Variants in SORBS2 observed in about 807,000 individuals in gnomAD.
SORBS2 encodes sorbin and SH3 domain containing 2, also known as sorbin and SH3 domain-containing protein 2.
A neutral mutation model predicts 97.7 loss-of-function variants in SORBS2; 46 were observed. That is an observed-to-expected ratio of 0.47 (90% CI 0.37 to 0.60). SORBS2 has a LOEUF of 0.60. Ranked by LOEUF, SORBS2 falls within the 20% of genes least tolerant of loss-of-function variation. The pLI is 0.00. For missense variants in SORBS2, 1,316 were observed against 1,282.3 expected (o/e 1.03, Z -0.40); for synonymous variants, 476 against 473.4 (o/e 1.01, Z -0.07).
chr4:185,897,474 A>C (rs2099245605), intron 1 of SORBS2, among the ~76,000 whole-genome samples: 1 of 152,234 alleles, frequency 6.6e-6, no homozygotes, highest in Non-Finnish European at 1.5e-5. Flanking sequence ...AAAAATGGAC[A>C]GTTTCCCCTG....
At chr4:185,661,869 C>G (rs1364098228), upstream of SORBS2, among the ~76,000 whole-genome samples, 1 of 152,186 alleles carries the variant, frequency 6.6e-6, no homozygotes, top group East Asian at 1.9e-4. Flanking sequence ...TTCTACTCCA[C>G]CACCTCAGAC....
intron 1 of SORBS2, among the ~76,000 whole-genome samples, chr4:185,880,106 T>C (rs1579303651): frequency 6.6e-6 from 1 of 152,236 alleles, no homozygotes; most frequent in African/African-American, 2.4e-5. Context: ...CTCCAGATGG[T>C]TCTGTCTAGT....
intron 1 of SORBS2, among the ~76,000 whole-genome samples, chr4:185,855,592 C>T (rs1566354): frequency 0.19 from 29,023 of 152,150 alleles, 3,716 homozygotes; most frequent in East Asian, 0.55. Flanking sequence ...AAAAACCATT[C>T]GGGAAAGCAT....
intron 2 of SORBS2, among the ~76,000 whole-genome samples, chr4:185,750,101 G>A (rs1477401625): frequency 6.6e-6 from 1 of 152,236 alleles, no homozygotes; most frequent in Non-Finnish European, 1.5e-5. Context: ...ACTAAAGCTG[G>A]ACGCCGGAGT....
intron 1 of SORBS2, among the ~76,000 whole-genome samples, chr4:185,922,167 A>C (rs2099261207): frequency 6.6e-6 from 1 of 152,234 alleles, no homozygotes; most frequent in Non-Finnish European, 1.5e-5. Flanking sequence ...TAGCTTTAAC[A>C]GTCGTGGTTA....
At chr4:185,823,771 T>C (rs966315175) in intron 1 of SORBS2, among the ~76,000 whole-genome samples, 2 of 152,176 alleles carry the variant, frequency 1.3e-5, no homozygotes, top group African/African-American at 4.8e-5. Context: ...AAATTGGGCA[T>C]CATGTGTAAT....
intron 1 of SORBS2, among the ~76,000 whole-genome samples, chr4:185,859,093 AAAC>A (rs1216580899): frequency 9.8e-6 from 1 of 101,590 alleles, no homozygotes; most frequent in Non-Finnish European, 2.5e-5. Flanking sequence ...ATTGCCAAGA[AAAC>A]AACAACATAC....
At chr4:185,946,627 CT>C (rs1197695358) in intron 1 of SORBS2, among the ~76,000 whole-genome samples, 2 of 152,176 alleles carry the variant, frequency 1.3e-5, no homozygotes, top group African/African-American at 2.4e-5. Context: ...AACAAACATC[CT>C]TCCATCTCCT....
At chr4:185,657,671 T>C (rs746856477), upstream of SORBS2, 38 of 1,344,202 alleles carry the variant, frequency 2.8e-5, no homozygotes, top group Non-Finnish European at 3.7e-5. Flanking sequence ...TTGTTGTATA[T>C]TTATGCCAAC....
At chr4:185,642,119 A>G (rs1218613328) in intron 4 of SORBS2, among the ~76,000 whole-genome samples, 1 of 152,196 alleles carries the variant, frequency 6.6e-6, no homozygotes, top group Non-Finnish European at 1.5e-5. Flanking sequence ...GTTTCACAAT[A>G]AATGCTATAT....
chr4:185,896,476 C>A (rs918618233), intron 1 of SORBS2, among the ~76,000 whole-genome samples: 8 of 152,068 alleles, frequency 5.3e-5, no homozygotes, highest in African/African-American at 1.2e-4. Context: ...CCCAGCTACA[C>A]GGGAGGCTGA....
At chr4:185,667,037 G>T (rs2097616982) in intron 4 of SORBS2, among the ~76,000 whole-genome samples, 1 of 152,226 alleles carries the variant, frequency 6.6e-6, no homozygotes, top group Non-Finnish European at 1.5e-5. Flanking sequence ...ACAACCACCT[G>T]TGGTAGCCTG....
chr4:185,732,321 CGAGAGAGTGTCA>C (rs774648138), intron 2 of SORBS2, among the ~76,000 whole-genome samples: 1 of 151,990 alleles, frequency 6.6e-6, no homozygotes, highest in Non-Finnish European at 1.5e-5. Flanking sequence ...AAAGTGTGAC[CGAGAGAGTGTCA>C]GAGAAGAGTC....
chr4:185,907,281 T>C (rs997559935), intron 1 of SORBS2, among the ~76,000 whole-genome samples: 42 of 152,366 alleles, frequency 2.8e-4, no homozygotes, highest in African/African-American at 9.9e-4. Context: ...CTAGTCTGTC[T>C]GTCCACCTTA....
intron 1 of SORBS2, among the ~76,000 whole-genome samples, chr4:185,951,956 A>C (rs2099277399): frequency 6.6e-6 from 1 of 152,194 alleles, no homozygotes; most frequent in Non-Finnish European, 1.5e-5. Context: ...CAATCTGGTA[A>C]AGGAAACAAA....
chr4:185,722,888 A>C (rs950724864), intron 2 of SORBS2, among the ~76,000 whole-genome samples: 1 of 152,288 alleles, frequency 6.6e-6, no homozygotes, highest in Admixed American at 6.5e-5. Context: ...TGTAGCTAAA[A>C]TGCGCCAGAG....
At chr4:185,787,038 G>A (rs1231935478) in intron 1 of SORBS2, among the ~76,000 whole-genome samples, 7 of 151,092 alleles carry the variant, frequency 4.6e-5, no homozygotes, top group Non-Finnish European at 8.8e-5. Flanking sequence ...TTTCTGAGAG[G>A]ATTAAATGAG....
chr4:185,942,846 T>C (rs542281788), intron 1 of SORBS2, among the ~76,000 whole-genome samples: 11 of 152,354 alleles, frequency 7.2e-5, no homozygotes, highest in African/African-American at 2.4e-4. Flanking sequence ...GCAGACTGGT[T>C]CATAATCTGA....
intron 12 of SORBS2, 160 bp from the exon 25 acceptor site, chr4:185,594,095 T>A (rs2096025694): frequency 3.4e-6 from 2 of 587,564 alleles, no homozygotes; most frequent in African/African-American, 1.9e-5. Flanking sequence ...GCAGGATTAA[T>A]AATTAAAATA....
Sources: allele counts gnomAD v4.1 joint callset (sites outside exome capture counted in the v4.1 genomes callset), GRCh38; gene constraint gnomAD v4.1.1; transcripts MANE v1.5; gene names NCBI Gene and HGNC (gene_info 2026-07-23, HGNC 2026-07-21).